MORN1: variants seen among roughly 807,000 people sequenced by gnomAD.
MORN1 encodes the protein MORN repeat-containing protein 1.
A neutral mutation model predicts 61.9 loss-of-function variants in MORN1; 67 were observed. The observed-to-expected ratio is 1.08, with a 90% CI of 0.89 to 1.33. MORN1 has a LOEUF of 1.33. Ranked by LOEUF, MORN1 falls within the 40% of genes most tolerant of loss-of-function variation. MORN1 has a pLI of 0.00. For synonymous variants in MORN1, 301 were observed against 292.0 expected (o/e 1.03, Z -0.31); for missense variants, 752 against 691.2 (o/e 1.09, Z -0.99).
chr1:2,372,335 G>A lies in MORN1; in HGVS notation c.745+146C>T, dbSNP rs879269298. On this transcript the variant is annotated intron_variant, in intron 8 of 13. Coordinates refer to ENST00000378531, the MANE Select transcript of MORN1 (RefSeq NM_024848.3). This position sits in a 1 kb window ranked among gnomAD's most constrained non-coding sequence, Gnocchi z 5.4. The stretch of plus-strand genomic sequence containing the variant: ...CTGGCAGGGAAGCTGGCACACCTGC[G>A]ACCTCTCTGCCAGGCTCTGGGCACG... 4.0e-5 allele frequency: 25 copies of A among 629,988 alleles called. No individual in the cohort carries two copies. The highest frequency in any genetic ancestry group is 2.8e-4 in the Admixed American group (10 of 35,306). 39.0% of individuals were successfully genotyped at this position (629,988 alleles called of 1,614,324 possible).
intron 10 of MORN1, among the ~76,000 whole-genome samples, chr1:2,356,406 T>TCTCCCTGCC (rs1641770698): frequency 6.6e-6 from 1 of 152,114 alleles, no homozygotes; most frequent in Non-Finnish European, 1.5e-5. Context: ...GGATCTGGGC[T>TCTCCCTGCC]CAGCACAGCC....
intron 8 of MORN1, among the ~76,000 whole-genome samples, chr1:2,360,859 A>G (rs1641878300): frequency 6.6e-6 from 1 of 152,202 alleles, no homozygotes; most frequent in Admixed American, 6.5e-5. Flanking sequence ...AGCGGGGGCA[A>G]GCTTTCAGAA....
At chr1:2,356,903 G>T (rs964531436) in intron 10 of MORN1, among the ~76,000 whole-genome samples, 4 of 152,194 alleles carry the variant, frequency 2.6e-5, no homozygotes, top group African/African-American at 9.6e-5. Flanking sequence ...CCCAGCCTTG[G>T]GGGGCAGAGT....
chr1:2,345,497 G>T (rs1022819142), intron 10 of MORN1, among the ~76,000 whole-genome samples: 1 of 152,220 alleles, frequency 6.6e-6, no homozygotes, highest in South Asian at 2.1e-4. Flanking sequence ...CTGCACCGGG[G>T]GACCCCCTGC....
chr1:2,348,777 GCA>G lies in MORN1; in HGVS notation c.1036+8653_1036+8654del, dbSNP rs112331454. Among the ~76,000 whole-genome samples the G allele has an allele frequency of 1.4e-4, 19 of 137,608 alleles. 1 individual carries two copies. The highest frequency in any genetic ancestry group is 5.7e-4 in the African/African-American group (19 of 33,396). 90.3% of individuals were successfully genotyped at this position (137,608 alleles called of 152,430 possible). ...CACACACGCACACCTGCGCAGGCAC[GCA>G]CACACACGCACGCACACGCACTCCT... On this transcript the variant is annotated intron_variant, in intron 10 of 13. Coordinates refer to ENST00000378531, the MANE Select transcript of MORN1 (RefSeq NM_024848.3).
At chr1:2,322,219 G>A (rs1640897237) in intron 13 of MORN1, 2 of 985,370 alleles carry the variant, frequency 2.0e-6, no homozygotes, top group African/African-American at 3.5e-5. Flanking sequence ...CCATAAAAAA[G>A]AAAATAAGAA....
At chr1:2,379,171 C>T (rs1385116399) in intron 6 of MORN1, 1 of 471,098 alleles carries the variant, frequency 2.1e-6, no homozygotes, top group Non-Finnish European at 4.4e-6. Context: ...CTCATGGTGC[C>T]TGGGTAGCAG....
chr1:2,327,229 GACACAGAAAC>G (rs199879944), intron 12 of MORN1, among the ~76,000 whole-genome samples: 25,428 of 91,140 alleles, frequency 0.28, 4,799 homozygotes, highest in East Asian at 0.53. Context: ...CAAACACAGA[GACACAGAAAC>G]ACACAGAAAC....
chr1:2,351,843 C>T, intron 10 of MORN1: 2 of 520,686 alleles, frequency 3.8e-6, no homozygotes, highest in Middle Eastern at 8.0e-4. Flanking sequence ...CATCTTGCTA[C>T]TCTTGCCCAC....
chr1:2,329,819 C>A lies in MORN1; in HGVS notation c.1251-5676G>T, dbSNP rs1257354731. On this transcript the variant is annotated intron_variant, in intron 12 of 13. Coordinates refer to ENST00000378531, the MANE Select transcript of MORN1 (RefSeq NM_024848.3). ...CACTGGGCTGGGCCCCGTGCAGGTA[C>A]AGCGTGGAGGAGGCACCAGCAAGAA... is the stretch of plus-strand genomic sequence containing the variant. 3.9e-5 allele frequency among the ~76,000 whole-genome samples: 6 copies of A among 152,348 alleles called. No individual in the cohort carries two copies. The South Asian group carries it at 1.2e-3, about 32-fold the overall frequency.
At chr1:2,322,133 G>C in intron 13 of MORN1, 2 of 985,406 alleles carry the variant, frequency 2.0e-6, no homozygotes, top group Non-Finnish European at 2.4e-6. Context: ...CCTGCTGGGG[G>C]CACTCGGCAG....
intron 6 of MORN1, among the ~76,000 whole-genome samples, 191 bp downstream of exon 6, chr1:2,384,787 C>T (rs923334268): frequency 6.6e-6 from 1 of 152,262 alleles, no homozygotes; most frequent in African/African-American, 2.4e-5. Context: ...GAATACACTC[C>T]TGTTTTTCTC....
chr1:2,373,126 C>T (rs937403533), intron 7 of MORN1, among the ~76,000 whole-genome samples: 2 of 152,200 alleles, frequency 1.3e-5, no homozygotes, highest in Non-Finnish European at 2.9e-5. Context: ...ATCCTGCTGC[C>T]CACCGCCCCT....
intron 10 of MORN1, among the ~76,000 whole-genome samples, chr1:2,353,173 A>G (rs541052628): frequency 4.2e-4 from 64 of 152,352 alleles, no homozygotes; most frequent in Middle Eastern, 3.4e-3. Context: ...TGACTGGGCC[A>G]GGGACAAATG....
chr1:2,347,979 C>A (rs1641551953), intron 10 of MORN1, among the ~76,000 whole-genome samples: 1 of 152,230 alleles, frequency 6.6e-6, no homozygotes, highest in Non-Finnish European at 1.5e-5. Flanking sequence ...CCTCACGTAA[C>A]CCAGCACAGC....
At chr1:2,355,416 C>T (rs1641741883) in intron 10 of MORN1, 1 of 1,550,216 alleles carries the variant, frequency 6.5e-7, no homozygotes, top group African/African-American at 1.4e-5. Context: ...GGTCCTCTCA[C>T]AGCTGTTGTC....
intron 10 of MORN1, among the ~76,000 whole-genome samples, chr1:2,339,861 G>A (rs1042599518): frequency 6.6e-6 from 1 of 152,214 alleles, no homozygotes; most frequent in Admixed American, 6.5e-5. Context: ...AAGAAAACGA[G>A]GGCACGGGAA....
Position 2,372,629 on chromosome 1 carries a change from C to T in MORN1, c.635-38G>A. On this transcript the variant is annotated intron_variant, in intron 7 of 13. Transcript: ENST00000378531. The surrounding 1 kb of genome is among the most constrained non-coding windows in gnomAD (Gnocchi z 5.4). ...AGAGTGTGGCTTTAGCGGTGACTGGCATGGTCCCCCACCCACCCCATGGCT... is the reference window on the plus strand; with the variant it reads ...AGAGTGTGGCTTTAGCGGTGACTGGTATGGTCCCCCACCCACCCCATGGCT... 2 of 1,527,968 alleles carry T rather than the reference C, an allele frequency of 1.3e-6. No individual in the cohort carries two copies. Among genetic ancestry groups the T allele is most frequent in the Non-Finnish European group, 1.8e-6 (2 of 1,112,452 alleles). The allele number at this position is 1,527,968 out of a possible 1,614,324, so 94.7% of individuals were successfully genotyped here.
intron 6 of MORN1, chr1:2,378,875 C>T (rs1642306759): frequency 2.2e-6 from 1 of 453,078 alleles, no homozygotes; most frequent in Non-Finnish European, 4.4e-6. Context: ...TGGCCCAGGA[C>T]CTCTGTGGCT....
Sources: allele counts gnomAD v4.1 joint callset (sites outside exome capture counted in the v4.1 genomes callset), GRCh38; gene constraint gnomAD v4.1.1; non-coding constraint Gnocchi (gnomAD v3.1); transcripts MANE v1.5; gene names NCBI Gene and HGNC (gene_info 2026-07-23, HGNC 2026-07-21).